SNX29: variants seen among roughly 807,000 people sequenced by gnomAD.
SNX29 encodes sorting nexin 29.
In SNX29, 78 loss-of-function variants were observed where a neutral mutation model predicts 102.1. That is an observed-to-expected ratio of 0.76 (90% CI 0.64 to 0.92). The LOEUF is 0.92. Ranked by LOEUF, SNX29 falls within the 40% of genes least tolerant of loss-of-function variation. The pLI, the probability that SNX29 is intolerant of heterozygous loss-of-function variation, is 0.00. For synonymous variants in SNX29, 580 were observed against 414.5 expected (o/e 1.40, Z -4.85); for missense variants, 1,280 against 1,061.7 (o/e 1.21, Z -2.86).
intron 20 of SNX29, 51 bp from the exon 21 acceptor site, chr16:12,568,455 C>T (rs2079106367): frequency 1.6e-5 from 26 of 1,601,028 alleles, no homozygotes; most frequent in Middle Eastern, 3.3e-4. Context: ...GGCCTGTGGT[C>T]ATTTGCTTTT....
chr16:12,456,981 C>T (rs950227933), intron 18 of SNX29, among the ~76,000 whole-genome samples: 2 of 152,166 alleles, frequency 1.3e-5, no homozygotes, highest in Non-Finnish European at 2.9e-5. Context: ...GTTGCATTGA[C>T]AGAGTTGATT....
intron 14 of SNX29, among the ~76,000 whole-genome samples, chr16:12,211,293 A>T (rs547397700): frequency 6.6e-6 from 1 of 152,322 alleles, no homozygotes; most frequent in South Asian, 2.1e-4. Flanking sequence ...ACATATTCTG[A>T]TACAGCCCAA....
At chr16:12,550,404 G>GCA (rs1350229724) in intron 20 of SNX29, among the ~76,000 whole-genome samples, 1 of 152,006 alleles carries the variant, frequency 6.6e-6, no homozygotes, top group Non-Finnish European at 1.5e-5. Context: ...GCATGGTGGT[G>GCA]CACGCCTGTA....
In SNX29 at chr16:12,537,687, C is replaced by T. The variant is rs1024208783; in HGVS notation, c.2318+12846C>T. Among the ~76,000 whole-genome samples the T allele has an allele frequency of 3.3e-5, 5 of 152,148 alleles. 1 individual carries two copies. The highest frequency in any genetic ancestry group is 2.6e-4 in the Admixed American group (4 of 15,272). The stretch of plus-strand genomic sequence containing the variant: ...TTCATGTCTTTTTTAAACATTGGAG[C>T]ATCTGAAACTTCACTTTGGAAAAAG... On this transcript the variant is annotated intron_variant, in intron 20 of 20. Transcript: ENST00000566228.
intron 14 of SNX29, among the ~76,000 whole-genome samples, chr16:12,258,377 G>T (rs967942623): frequency 2.6e-5 from 4 of 152,064 alleles, no homozygotes; most frequent in South Asian, 2.1e-4. Flanking sequence ...CATTCCCCCC[G>T]TGATAGCCCC....
chr16:12,230,832 GTATGTATGTATGTATA>G (rs764725177), intron 14 of SNX29, among the ~76,000 whole-genome samples: 191 of 103,524 alleles, frequency 1.8e-3, no homozygotes, highest in Non-Finnish European at 1.9e-3. Context: ...ATGTATGTAT[GTATGTATGTATGTATA>G]TATGTATGTA....
At chr16:12,153,674 C>T (rs1483257266) in intron 13 of SNX29, among the ~76,000 whole-genome samples, 4 of 149,390 alleles carry the variant, frequency 2.7e-5, no homozygotes, top group African/African-American at 7.4e-5. Context: ...GATGGGGTTT[C>T]AGGATGTTGC....
intron 15 of SNX29, among the ~76,000 whole-genome samples, chr16:12,306,073 A>G (rs2080328599): frequency 6.6e-6 from 1 of 151,890 alleles, no homozygotes; most frequent in South Asian, 2.1e-4. Flanking sequence ...AGGCACCTGC[A>G]TGTAAAACCA....
intron 20 of SNX29, among the ~76,000 whole-genome samples, chr16:12,545,233 G>T (rs545317470): frequency 1.3e-5 from 2 of 152,218 alleles, no homozygotes; most frequent in African/African-American, 4.8e-5. Context: ...CAGGGAAAGG[G>T]CCTCTGTTCT....
chr16:12,195,890 G>A (rs1236345139), intron 13 of SNX29, among the ~76,000 whole-genome samples: 1 of 152,104 alleles, frequency 6.6e-6, no homozygotes, highest in East Asian at 1.9e-4. Flanking sequence ...GAGGGACATA[G>A]GCATGGAGAG....
intron 19 of SNX29, among the ~76,000 whole-genome samples, chr16:12,497,003 T>G (rs1269300487): frequency 6.6e-6 from 1 of 152,102 alleles, no homozygotes; most frequent in Non-Finnish European, 1.5e-5. Flanking sequence ...GGTCCGGAGA[T>G]GAGTGTGGCC....
At chr16:12,247,058 C>T (rs1361758960) in intron 14 of SNX29, among the ~76,000 whole-genome samples, 4 of 152,122 alleles carry the variant, frequency 2.6e-5, no homozygotes, top group African/African-American at 4.8e-5. Context: ...TGATCTTTAT[C>T]CTAAGAAAGA....
At chr16:12,552,814 C>T (rs138014198) in intron 20 of SNX29, among the ~76,000 whole-genome samples, 2 of 152,222 alleles carry the variant, frequency 1.3e-5, no homozygotes, top group Admixed American at 1.3e-4. Context: ...AGAGAACAGC[C>T]AACAGTGTGA....
chr16:12,487,963 C>G lies in SNX29; in HGVS notation c.2178+10104C>G, dbSNP rs1028831573. On this transcript the variant is annotated intron_variant, in intron 19 of 20. Coordinates refer to ENST00000566228, the MANE Select transcript of SNX29 (RefSeq NM_032167.5). ...CAGTAAAAGCCTCTTAAGATATTTT[C>G]CAGGAGAGCAACCACTAACGTCATC... Among the ~76,000 whole-genome samples, 8 of 152,262 alleles carry G rather than the reference C, an allele frequency of 5.3e-5. No homozygotes were observed. The South Asian group carries it at 1.2e-3, about 24-fold the overall frequency.
chr16:12,462,282 G>C (rs991738399), intron 18 of SNX29, among the ~76,000 whole-genome samples: 1 of 151,864 alleles, frequency 6.6e-6, no homozygotes, highest in Non-Finnish European at 1.5e-5. Flanking sequence ...CTGAAGGATA[G>C]AGACGTGCCT....
intron 14 of SNX29, among the ~76,000 whole-genome samples, chr16:12,224,177 G>A (rs771451912): frequency 1.3e-5 from 2 of 152,170 alleles, no homozygotes; most frequent in Non-Finnish European, 2.9e-5. Flanking sequence ...GGTTATTGGG[G>A]CACCTGGCAT....
chr16:12,360,241 A>G (rs12103021), intron 16 of SNX29, among the ~76,000 whole-genome samples: 6,649 of 152,286 alleles, frequency 0.044, 285 homozygotes, highest in African/African-American at 0.1. Context: ...GACCCTGATA[A>G]AGTTCATATA....
intron 18 of SNX29, among the ~76,000 whole-genome samples, chr16:12,475,199 T>G (rs1278403288): frequency 6.6e-6 from 1 of 152,186 alleles, no homozygotes; most frequent in African/African-American, 2.4e-5. Context: ...ACATCAGGGG[T>G]TCCTGAAATT....
Position 12,466,085 on chromosome 16 carries a change from A to C in SNX29, c.2038-11634A>C, listed in dbSNP as rs192558965. On this transcript the variant is annotated intron_variant, in intron 18 of 20. Coordinates refer to ENST00000566228, the MANE Select transcript of SNX29 (RefSeq NM_032167.5). ...AAGCGTTTGCTCTAGGATGAAGAACAAAACAACGATGTGTACTCCTGCCGC... is the reference window on the plus strand; with the variant it reads ...AAGCGTTTGCTCTAGGATGAAGAACCAAACAACGATGTGTACTCCTGCCGC... 1.8e-3 allele frequency among the ~76,000 whole-genome samples: 279 copies of C among 152,362 alleles called. 3 individuals are homozygous for C. Among genetic ancestry groups the C allele is most frequent in the Non-Finnish European group, 1.5e-3 (102 of 68,034 alleles).
Sources: gnomAD v4.1 joint callset for allele counts (sites outside exome capture counted in the v4.1 genomes callset) on GRCh38, gnomAD v4.1.1 for gene constraint, MANE v1.5 for transcripts, NCBI Gene and HGNC (gene_info 2026-07-23, HGNC 2026-07-21) for gene names.